Variants in STIM2 observed in about 807,000 individuals in gnomAD.
STIM2 encodes stromal interaction molecule 2.
STIM2 carries 31 observed loss-of-function variants against 85.8 expected under a neutral mutation model. The observed-to-expected ratio is 0.36, with a 90% CI of 0.27 to 0.49. STIM2 has a LOEUF of 0.49. Among genes scored for constraint, STIM2 ranks in the 20% least tolerant of loss-of-function variants. The pLI is 0.98. For missense variants in STIM2, 841 were observed against 927.6 expected (o/e 0.91, Z 1.21); for synonymous variants, 356 against 331.1 (o/e 1.08, Z -0.82).
intron 2 of STIM2, among the ~76,000 whole-genome samples, chr4:26,929,533 T>C (rs1159445887): frequency 6.6e-6 from 1 of 152,156 alleles, no homozygotes; most frequent in Non-Finnish European, 1.5e-5. Flanking sequence ...TTTAAAGTAC[T>C]TAATTTCTTG....
chr4:26,968,756 C>G (rs1726824926), intron 3 of STIM2, among the ~76,000 whole-genome samples: 1 of 152,056 alleles, frequency 6.6e-6, no homozygotes, highest in African/African-American at 2.4e-5. Flanking sequence ...GGGTGACCTC[C>G]TATTTAAGGA....
chr4:26,979,050 G>A (rs139249933), intron 3 of STIM2, among the ~76,000 whole-genome samples: 1 of 152,238 alleles, frequency 6.6e-6, no homozygotes, highest in Non-Finnish European at 1.5e-5. Context: ...CCTAAATAGA[G>A]ACATTTTATT....
Position 26,944,611 on chromosome 4 carries a change from A to G in STIM2, c.283-13001A>G, listed in dbSNP as rs561694405. On this transcript the variant is annotated intron_variant, in intron 2 of 11. Transcript: ENST00000467087. ...ACTAAATACTCCAATTAAGAGTGACAAGATACCAAGGAGCTCACACTAGTA... is the reference window on the plus strand; with the variant it reads ...ACTAAATACTCCAATTAAGAGTGACGAGATACCAAGGAGCTCACACTAGTA... 4.9e-3 allele frequency among the ~76,000 whole-genome samples: 750 copies of G among 152,344 alleles called. 8 individuals are homozygous for G. Among genetic ancestry groups the G allele is most frequent in the African/African-American group, 0.017 (727 of 41,578 alleles).
intron 1 of STIM2, among the ~76,000 whole-genome samples, chr4:26,900,732 T>A (rs939949938): frequency 1.3e-5 from 2 of 152,202 alleles, no homozygotes; most frequent in Non-Finnish European, 2.9e-5. Context: ...TCTGGAAAAT[T>A]AATATTGTCT....
At chr4:26,948,209 T>C (rs947129188) in intron 2 of STIM2, among the ~76,000 whole-genome samples, 1 of 152,194 alleles carries the variant, frequency 6.6e-6, no homozygotes, top group African/African-American at 2.4e-5. Flanking sequence ...TCTCAACAGC[T>C]CTAGGTCAAA....
At chr4:26,979,598 T>G (rs897799463) in intron 3 of STIM2, among the ~76,000 whole-genome samples, 3 of 152,130 alleles carry the variant, frequency 2.0e-5, no homozygotes, top group Non-Finnish European at 4.4e-5. Context: ...ACTATAAAAT[T>G]TAGAGGGTAT....
chr4:26,908,547 A>G (rs1036627491), intron 1 of STIM2, among the ~76,000 whole-genome samples: 6 of 152,166 alleles, frequency 3.9e-5, no homozygotes, highest in African/African-American at 1.4e-4. Flanking sequence ...GCAATGGTGC[A>G]ATCTCAGCTC....
chr4:26,937,383 A>G (rs555404456), intron 2 of STIM2, among the ~76,000 whole-genome samples: 1 of 152,230 alleles, frequency 6.6e-6, no homozygotes, highest in Non-Finnish European at 1.5e-5. Context: ...TGGTACTGCC[A>G]GTGCTGCCAT....
intron 4 of STIM2, among the ~76,000 whole-genome samples, chr4:26,995,770 A>G (rs956766519): frequency 6.6e-6 from 1 of 152,072 alleles, no homozygotes; most frequent in African/African-American, 2.4e-5. Flanking sequence ...TCAAGGGTCA[A>G]CTTTTGGCCA....
chr4:26,996,732 C>A (rs1560234268), intron 4 of STIM2, among the ~76,000 whole-genome samples: 2 of 151,982 alleles, frequency 1.3e-5, no homozygotes, highest in Non-Finnish European at 2.9e-5. Context: ...AAAACAAGTT[C>A]TTAAATTAAA....
chr4:26,889,101 G>A (rs1209302935), intron 1 of STIM2, among the ~76,000 whole-genome samples: 1 of 152,192 alleles, frequency 6.6e-6, no homozygotes, highest in Non-Finnish European at 1.5e-5. Context: ...AATTTCGCTA[G>A]TGAAACAATA....
chr4:26,906,230 G>A (rs28497454), intron 1 of STIM2, among the ~76,000 whole-genome samples: 47,307 of 151,890 alleles, frequency 0.31, 7,819 homozygotes, highest in African/African-American at 0.44. Context: ...AACATTGAGT[G>A]CATATGGACA....
intron 4 of STIM2, among the ~76,000 whole-genome samples, chr4:26,997,443 T>C (rs1387399759): frequency 6.6e-6 from 1 of 152,214 alleles, no homozygotes; most frequent in Non-Finnish European, 1.5e-5. Flanking sequence ...ATACTAAGGC[T>C]GTCTTCACCT....
chr4:26,901,983 T>G (rs1723940419), intron 1 of STIM2, among the ~76,000 whole-genome samples: 1 of 152,162 alleles, frequency 6.6e-6, no homozygotes. Context: ...ATAGAGTGAA[T>G]CAATGGCGAA....
intron 3 of STIM2, among the ~76,000 whole-genome samples, chr4:26,958,657 T>C (rs1215640652): frequency 6.6e-6 from 1 of 152,010 alleles, no homozygotes; most frequent in Non-Finnish European, 1.5e-5. Context: ...AAAACAATTA[T>C]GCACTTAAAA....
intron 2 of STIM2, among the ~76,000 whole-genome samples, chr4:26,956,814 G>GAATATAACCAAATGGCTTGC (rs1296013207): frequency 5.3e-5 from 8 of 152,068 alleles, no homozygotes; most frequent in Non-Finnish European, 1.2e-4. Context: ...TTATGCTGTT[G>GAATATAACCAAATGGCTTGC]AATATAACCA....
chr4:26,957,877 T>A lies in STIM2; in HGVS notation c.397+151T>A. On this transcript the variant is annotated intron_variant, in intron 3 of 11. Transcript: ENST00000467087. ...TATTTTAGTAAATAATTTTCCCTTC[T>A]TGTTTTTGATAGATGATTTTTATCT... 5.5e-6 allele frequency: 3 copies of A among 546,136 alleles called. No homozygotes were observed. The South Asian group carries it at 6.9e-5, about 13-fold the overall frequency. The allele number at this position is 546,136 out of a possible 1,614,324, so 33.8% of individuals were successfully genotyped here.
chr4:26,872,403 G>A (rs1722657214), intron 1 of STIM2, among the ~76,000 whole-genome samples: 1 of 152,050 alleles, frequency 6.6e-6, no homozygotes, highest in Non-Finnish European at 1.5e-5. Flanking sequence ...TGAAATGTTA[G>A]ACTTTAAAAT....
chr4:27,024,037 T>C lies in STIM2; in HGVS notation c.*1041T>C, dbSNP rs993918443. On this transcript the variant is annotated 3_prime_UTR_variant, in exon 12 of 12. Coordinates refer to ENST00000467087, the MANE Select transcript of STIM2 (RefSeq NM_020860.4). ...TTCTGGAGAGCTGTGTAAGCTGTCTTGTTGCTTAGTTGCAATATAAGAAAT... is the reference window on the plus strand; with the variant it reads ...TTCTGGAGAGCTGTGTAAGCTGTCTCGTTGCTTAGTTGCAATATAAGAAAT... 3.9e-5 allele frequency: 6 copies of C among 152,670 alleles called. No homozygotes were observed. In the South Asian group the frequency reaches 6.2e-4, roughly 16 times the overall value. The allele number at this position is 152,670 out of a possible 1,614,324, so 9.5% of individuals were successfully genotyped here. A position where few individuals can be genotyped will look rare whatever the true frequency, so the allele number is the denominator to read the frequency against.
Sources: allele counts gnomAD v4.1 joint callset (sites outside exome capture counted in the v4.1 genomes callset), GRCh38; gene constraint gnomAD v4.1.1; transcripts MANE v1.5; gene names NCBI Gene and HGNC (gene_info 2026-07-23, HGNC 2026-07-21).